Variants in C8orf34 observed in about 807,000 individuals in gnomAD.
C8orf34 encodes chromosome 8 open reading frame 34, also known as uncharacterized protein C8orf34.
A neutral mutation model predicts 68.3 loss-of-function variants in C8orf34; 65 were observed. The ratio of observed to expected loss-of-function variants is 0.95; its 90% confidence interval spans 0.78 to 1.17. C8orf34 has a LOEUF of 1.17. Ranked by LOEUF, C8orf34 falls within the 50% of genes most tolerant of loss-of-function variation. C8orf34 has a pLI of 0.00. For synonymous variants in C8orf34, 244 were observed against 241.2 expected, an observed-to-expected ratio of 1.01 and a Z score of -0.11; for missense variants, 664 against 655.4, an observed-to-expected ratio of 1.01 and a Z score of -0.14.
intron 8 of C8orf34, among the ~76,000 whole-genome samples, chr8:68,658,880 A>T (rs1324544098): frequency 2.0e-5 from 3 of 152,150 alleles, no homozygotes; most frequent in Non-Finnish European, 4.4e-5. Flanking sequence ...GTTTTAAAAT[A>T]TATTGCTTTA....
chr8:68,668,179 GTAT>G (rs1463031865), intron 8 of C8orf34, among the ~76,000 whole-genome samples: 5 of 151,754 alleles, frequency 3.3e-5, no homozygotes, highest in Non-Finnish European at 7.4e-5. Context: ...CCTTAAAAAC[GTAT>G]TATTATATTT....
At chr8:68,534,337 A>T in intron 7 of C8orf34, 1 of 985,254 alleles carries the variant, frequency 1.0e-6, no homozygotes, top group Non-Finnish European at 1.2e-6. Flanking sequence ...CCTATGTGGC[A>T]GTGGTAGCTT....
chr8:68,395,697 G>A (rs760305261), intron 1 of C8orf34, among the ~76,000 whole-genome samples: 4 of 152,098 alleles, frequency 2.6e-5, no homozygotes, highest in Admixed American at 6.6e-5. Flanking sequence ...AAAGTGGCAC[G>A]TAGACAACTG....
chr8:68,536,494 T>A (rs1815482702), intron 7 of C8orf34, among the ~76,000 whole-genome samples: 1 of 151,858 alleles, frequency 6.6e-6, no homozygotes, highest in Non-Finnish European at 1.5e-5. Flanking sequence ...TGGAAACATG[T>A]GCCCATTTTT....
At chr8:68,616,391 A>G (rs909769269) in intron 7 of C8orf34, among the ~76,000 whole-genome samples, 1 of 152,028 alleles carries the variant, frequency 6.6e-6, no homozygotes, top group Non-Finnish European at 1.5e-5. Context: ...TAGGGTGTCA[A>G]TTTTGGATCT....
At chr8:68,807,772 G>T (rs1824529515) in intron 12 of C8orf34, among the ~76,000 whole-genome samples, 2 of 152,150 alleles carry the variant, frequency 1.3e-5, no homozygotes, top group Non-Finnish European at 2.9e-5. Context: ...ATTTTATCTT[G>T]CTTCTAGCAG....
At chr8:68,451,049 T>C (rs1003893436) in intron 3 of C8orf34, among the ~76,000 whole-genome samples, 9 of 152,122 alleles carry the variant, frequency 5.9e-5, no homozygotes, top group Admixed American at 6.6e-5. Context: ...TCGATTGGTG[T>C]GGCTTTTCCA....
At chr8:68,745,129 A>T (rs935516266) in intron 10 of C8orf34, among the ~76,000 whole-genome samples, 11 of 152,150 alleles carry the variant, frequency 7.2e-5, no homozygotes, top group African/African-American at 2.7e-4. Context: ...ATATCCAGCC[A>T]AACTAAGCTT....
At chr8:68,440,273 T>A (rs2129625889) in intron 2 of C8orf34, among the ~76,000 whole-genome samples, 1 of 152,322 alleles carries the variant, frequency 6.6e-6, no homozygotes, top group East Asian at 1.9e-4. Flanking sequence ...AATCCCCTCA[T>A]GCCCATTGCT....
chr8:68,790,742 A>G (rs1823970874), intron 12 of C8orf34: 7 of 588,116 alleles, frequency 1.2e-5, no homozygotes, highest in Middle Eastern at 5.2e-4. Context: ...AAGTCACTAA[A>G]CAAATCAAAT....
intron 5 of C8orf34, among the ~76,000 whole-genome samples, chr8:68,496,903 G>C (rs1284453278): frequency 6.6e-6 from 1 of 152,174 alleles, no homozygotes; most frequent in Non-Finnish European, 1.5e-5. Flanking sequence ...ATTTTGGGCA[G>C]TAGGAAAATA....
chr8:68,531,332 A>G (rs1229088016), intron 6 of C8orf34, among the ~76,000 whole-genome samples: 1 of 152,072 alleles, frequency 6.6e-6, no homozygotes, highest in African/African-American at 2.4e-5. Context: ...TCATGTGTGG[A>G]ATCTAGTTGT....
intron 4 of C8orf34, among the ~76,000 whole-genome samples, chr8:68,480,935 A>G (rs1050979837): frequency 4.6e-5 from 7 of 152,234 alleles, no homozygotes; most frequent in African/African-American, 1.4e-4. Context: ...CTGGGGAGAC[A>G]TTCAAGCTGG....
chr8:68,617,747 C>G (rs1464390747), intron 7 of C8orf34, among the ~76,000 whole-genome samples: 5 of 152,158 alleles, frequency 3.3e-5, no homozygotes, highest in Admixed American at 6.5e-5. Context: ...TTTGGTGAAT[C>G]TGACAATTAT....
chr8:68,812,359 A>G (rs1258332770), intron 12 of C8orf34, among the ~76,000 whole-genome samples: 1 of 152,188 alleles, frequency 6.6e-6, no homozygotes, highest in Non-Finnish European at 1.5e-5. Context: ...AATTACTTCA[A>G]AATGACTTGT....
chr8:68,583,544 C>G (rs555889082), intron 7 of C8orf34, among the ~76,000 whole-genome samples: 1 of 152,162 alleles, frequency 6.6e-6, no homozygotes, highest in South Asian at 2.1e-4. Flanking sequence ...ACCCAGATAC[C>G]TACTTAAATT....
intron 10 of C8orf34, among the ~76,000 whole-genome samples, chr8:68,730,531 ATAT>A (rs1391117336): frequency 1.3e-5 from 2 of 152,118 alleles, no homozygotes; most frequent in Admixed American, 1.3e-4. Flanking sequence ...ACCTATGCAA[ATAT>A]TATTTTTTAA....
intron 1 of C8orf34, among the ~76,000 whole-genome samples, chr8:68,436,708 T>A (rs1463179527): frequency 6.6e-6 from 1 of 152,184 alleles, no homozygotes; most frequent in Admixed American, 6.6e-5. Context: ...TCTAGAATAC[T>A]TTTTTCCTAT....
At chr8:68,330,807 AC>A, upstream of C8orf34, 1 of 479,564 alleles carries the variant, frequency 2.1e-6, no homozygotes, top group South Asian at 3.4e-5. Context: ...ACACACACAC[AC>A]GCACGCACGC....
Sources: gnomAD v4.1 joint callset for allele counts (sites outside exome capture counted in the v4.1 genomes callset) on GRCh38, gnomAD v4.1.1 for gene constraint, MANE v1.5 for transcripts, NCBI Gene and HGNC (gene_info 2026-07-23, HGNC 2026-07-21) for gene names.